PRKCD: variants seen among roughly 807,000 people sequenced by gnomAD.
The protein encoded by PRKCD is protein kinase C delta type.
In PRKCD, 20 loss-of-function variants were observed where a neutral mutation model predicts 82.2. That is an observed-to-expected ratio of 0.24 (90% confidence interval 0.17 to 0.35). The LOEUF (loss-of-function observed/expected upper bound fraction) is 0.35, where lower values mean the gene tolerates loss of function less well. PRKCD is among the 10% of genes least tolerant of loss of function. The probability of loss-of-function intolerance (pLI) is 1.00; values close to 1 mark genes in which losing one functional copy is unlikely to be tolerated. For missense variants in PRKCD, 607 were observed against 899.0 expected, an observed-to-expected ratio of 0.68 and a Z score of 4.15; for synonymous variants, 317 against 337.0, an observed-to-expected ratio of 0.94 and a Z score of 0.65.
chr3:53,175,548 G>A (rs1049998699), intron 2 of PRKCD, among the ~76,000 whole-genome samples: 7 of 152,162 alleles, frequency 4.6e-5, no homozygotes, highest in Non-Finnish European at 7.4e-5. Flanking sequence ...GTTGGTGTCA[G>A]GATGCAGCAC....
rs900495 is a variant in PRKCD, at chr3:53,189,986, T to C, written c.1857T>C (p.Pro619=). ...TGGAAAAGCGGAGGTTGGAGCCACC[T>C]TTCAGGCCCAAAGTGGTATGTGATC... ...TLLEKRRLEP[P]FRPKVKSPRD... is the part of the protein sequence containing the mutation. Residue 619 remains proline (P), a synonymous_variant, in exon 18 of 19, where the codon CCT becomes CCC. Coordinates refer to ENST00000330452, the MANE Select transcript of PRKCD (RefSeq NM_006254.4). 0.99 allele frequency: 1,598,200 copies of C among 1,614,182 alleles called. 792,337 individuals are homozygous for C. The highest frequency in any genetic ancestry group is 1 in the East Asian group (44,889 of 44,890).
intron 2 of PRKCD, among the ~76,000 whole-genome samples, chr3:53,174,372 T>A (rs2107241608): frequency 6.6e-6 from 1 of 152,324 alleles, no homozygotes. Flanking sequence ...CCAAGGAGCT[T>A]GTCCCCATGG....
rs782535622 is a variant in PRKCD at position 53,184,950 on chromosome 3, T to C, written c.864T>C (p.Ala288=). 2.5e-6 allele frequency: 4 copies of C among 1,613,928 alleles called. No individual in the cohort carries two copies. In the African/African-American group the frequency reaches 5.3e-5, roughly 22 times the overall value. ...GCGGCATCAACCAGAAGCTTTTGGC[T>C]GAGGCCTTGAACCAAGTCACCCAGG... The part of the protein sequence containing the change: ...NLCGINQKLL[A]EALNQVTQRA... The change falls in exon 10 of 19, where the codon GCT becomes GCC. Residue 288 remains alanine, a synonymous_variant. Transcript: ENST00000330452.
chr3:53,192,079 G>A (rs1189561634), intron 18 of PRKCD, 29 bp from the exon 19 acceptor site: 2 of 1,613,182 alleles, frequency 1.2e-6, no homozygotes, highest in South Asian at 1.1e-5. Context: ...CCTAGGTCCT[G>A]TTCGCTCACC....
At position 53,179,606 on chromosome 3, in the gene PRKCD, C is replaced by T; in HGVS notation, c.145C>T (p.Pro49Ser). 6.2e-7 allele frequency: 1 copy of T among 1,614,182 alleles called. No individual in the cohort carries two copies. The highest frequency in any genetic ancestry group is 8.5e-7 in the Non-Finnish European group (1 of 1,180,026). ...ERGKTLVQKK[P>S]TMYPEWKSTF... ...TGGGAAAACACTGGTGCAGAAGAAG[C>T]CGACCATGTATCCTGAGTGGAAGTC... The change falls in exon 4 of 19, where the codon CCG (proline) becomes TCG (serine). Residue 49 changes from proline (P) to serine (S), a missense_variant. Transcript: ENST00000330452.
At position 53,188,831 on chromosome 3, in the gene PRKCD, C is replaced by A; in HGVS notation, c.1527C>A (p.Cys509Ter). The change falls in exon 16 of 19, where the codon TGC (cysteine) becomes TGA (stop). Residue 509 changes from cysteine (C) to a stop codon, truncating the protein, a stop_gained. Coordinates refer to ENST00000330452, the MANE Select transcript of PRKCD (RefSeq NM_006254.4). LOFTEE classifies it high-confidence loss of function. ...IFGESRASTF[C>*]GTPDYIAPEI... is the part of the protein sequence containing the mutation. ...GGGAGAGCCGGGCCAGCACCTTCTG[C>A]GGCACCCCTGACTATATCGCCCCTG... The A allele has an allele frequency of 6.2e-7, 1 of 1,614,174 alleles. No homozygotes were observed. Among genetic ancestry groups the A allele is most frequent in the Non-Finnish European group, 8.5e-7 (1 of 1,180,042 alleles).
rs1190070838 is a variant in PRKCD, at chr3:53,186,637, G to A, written c.1294G>A (p.Gly432Arg). 6.2e-7 allele frequency: 1 copy of A among 1,613,168 alleles called. No homozygotes were observed. Among genetic ancestry groups the A allele is most frequent in the Non-Finnish European group, 8.5e-7 (1 of 1,179,410 alleles). Residue 432 changes from glycine (G) to arginine (R), a missense_variant, in exon 14 of 19, where the codon GGG becomes AGG. By Grantham distance (125) the Gly-to-Arg change is moderately radical (BLOSUM62 -2). This residue lies in a region of PRKCD where 251 missense variants were observed against 423.9 expected (regional missense o/e 0.59). Transcript: ENST00000330452. ...GTTCTTTGTGATGGAGTTCCTCAAC[G>A]GGGGGGACCTGATGTACCACATCCA... is the stretch of plus-strand genomic sequence containing the variant. ...HLFFVMEFLNGGDLMYHIQDK... is the reference protein window; with the variant it reads ...HLFFVMEFLNRGDLMYHIQDK...
At chr3:53,178,233 T>C (rs1233793536) in intron 2 of PRKCD, among the ~76,000 whole-genome samples, 171 bp from the exon 3 acceptor site, 1 of 152,208 alleles carries the variant, frequency 6.6e-6, no homozygotes, top group Non-Finnish European at 1.5e-5. Flanking sequence ...CCACTGCGCC[T>C]GGCAAACCTC....
Position 53,186,597 on chromosome 3 carries a change from AC to A in PRKCD, c.1261-3del. The A allele has an allele frequency of 6.2e-7, 1 of 1,607,898 alleles. No individual in the cohort carries two copies. The highest frequency in any genetic ancestry group is 1.1e-5 in the South Asian group (1 of 90,238). Reference sequence around the variant, plus strand: ...CTCACCCCTGCTCACCACCCTTCCCACCCCAGGACCACCTGTTCTTTGTGAT... The same window carrying A: ...CTCACCCCTGCTCACCACCCTTCCCACCCAGGACCACCTGTTCTTTGTGAT... On this transcript the variant is annotated splice_region_variant and splice_polypyrimidine_tract_variant and intron_variant, in intron 13 of 18. Coordinates refer to ENST00000330452, the MANE Select transcript of PRKCD (RefSeq NM_006254.4).
At chr3:53,181,319 C>A (rs1553667441) in intron 5 of PRKCD, 52 bp downstream of exon 5, 2 of 1,609,542 alleles carry the variant, frequency 1.2e-6, no homozygotes, top group South Asian at 2.2e-5. Flanking sequence ...AGAGGCAGAG[C>A]CAGCACTGAG....
At chr3:53,175,284 G>C (rs932889995) in intron 2 of PRKCD, among the ~76,000 whole-genome samples, 13 of 152,200 alleles carry the variant, frequency 8.5e-5, no homozygotes, top group Non-Finnish European at 4.4e-5. Context: ...AATGGATGCG[G>C]TGGGGGATGC....
At chr3:53,164,067 C>G (rs1702757082) in intron 1 of PRKCD, among the ~76,000 whole-genome samples, 1 of 152,166 alleles carries the variant, frequency 6.6e-6, no homozygotes, top group South Asian at 2.1e-4. Context: ...GGGTCTCCAG[C>G]TGGGGGAGGG....
chr3:53,172,943 C>T (rs1441971494), intron 2 of PRKCD, among the ~76,000 whole-genome samples: 1 of 152,178 alleles, frequency 6.6e-6, no homozygotes, highest in African/African-American at 2.4e-5. Flanking sequence ...CAGGCCGGAT[C>T]TGGGAGCCAG....
intron 2 of PRKCD, among the ~76,000 whole-genome samples, chr3:53,178,051 T>C (rs1191417146): frequency 1.3e-5 from 2 of 151,334 alleles, no homozygotes; most frequent in East Asian, 3.9e-4. Flanking sequence ...GTTCAAGTGA[T>C]TCTCCTGCCT....
chr3:53,184,208 G>A (rs1211529241), intron 9 of PRKCD, among the ~76,000 whole-genome samples: 4 of 151,624 alleles, frequency 2.6e-5, no homozygotes, highest in East Asian at 1.9e-4. Context: ...GGTGGCGGGC[G>A]CCTGTAGTCC....
chr3:53,171,013 C>A (rs543842050), intron 2 of PRKCD, among the ~76,000 whole-genome samples: 1 of 152,208 alleles, frequency 6.6e-6, no homozygotes, highest in South Asian at 2.1e-4. Flanking sequence ...GTGGCTCCAA[C>A]TGTGTGCGTG....
chr3:53,163,793 C>T (rs1702749234), intron 1 of PRKCD, among the ~76,000 whole-genome samples: 1 of 152,114 alleles, frequency 6.6e-6, no homozygotes, highest in Non-Finnish European at 1.5e-5. Context: ...ATCTCCTTGA[C>T]CAAGCAGCTT....
At chr3:53,172,468 C>G (rs1453562631) in intron 2 of PRKCD, among the ~76,000 whole-genome samples, 2 of 152,206 alleles carry the variant, frequency 1.3e-5, no homozygotes, top group African/African-American at 4.8e-5. Context: ...GGGCCTTGGT[C>G]TCCTCCGCCC....
intron 3 of PRKCD, chr3:53,179,334 C>A: frequency 4.8e-6 from 3 of 620,440 alleles, no homozygotes; most frequent in South Asian, 3.3e-5. Context: ...TAAGGGCAGG[C>A]GACATTTAAA....
Sources: allele counts gnomAD v4.1 joint callset (sites outside exome capture counted in the v4.1 genomes callset), GRCh38; gene constraint gnomAD v4.1.1; regional missense constraint gnomAD v4.1.1; transcripts MANE v1.5; gene names NCBI Gene and HGNC (gene_info 2026-07-23, HGNC 2026-07-21).